LBHD1: variants seen among roughly 807,000 people sequenced by gnomAD.
LBHD1 encodes the protein LBH domain-containing protein 1.
In LBHD1, 28 loss-of-function variants were observed where a neutral mutation model predicts 31.1. That is an observed-to-expected ratio of 0.90 (90% confidence interval 0.67 to 1.24). LBHD1 has a LOEUF of 1.24. Ranked by LOEUF, LBHD1 falls within the 50% of genes most tolerant of loss-of-function variation. The pLI is 0.00. For missense variants in LBHD1, 350 were observed against 323.0 expected (o/e 1.08, Z -0.64); for synonymous variants, 105 against 116.5 (o/e 0.90, Z 0.63).
intron 5 of LBHD1, among the ~76,000 whole-genome samples, chr11:62,663,597 G>A (rs1272635864): frequency 1.3e-5 from 2 of 151,796 alleles, no homozygotes; most frequent in South Asian, 2.1e-4. Context: ...GGGAGGCTGC[G>A]GCAGGAGAAT....
Position 62,667,046 on chromosome 11 carries a change from C to A in LBHD1, c.538+477G>T, listed in dbSNP as rs1219153677. 2.5e-6 allele frequency: 4 copies of A among 1,593,758 alleles called. No individual in the cohort carries two copies. The Middle Eastern group carries it at 5.1e-4, about 202-fold the overall frequency. On this transcript the variant is annotated intron_variant, in intron 4 of 6. Transcript: ENST00000354588. The stretch of plus-strand genomic sequence containing the variant: ...CTTTGCTTACTTGATTCAAGGCTCT[C>A]ATTAAAGACATTTTAGTAGTCCTGA...
chr11:62,672,261 C>T lies in LBHD1; in HGVS notation c.-708G>A, dbSNP rs1271397391. On this transcript the variant is annotated 5_prime_UTR_variant, in exon 1 of 7. Coordinates refer to ENST00000354588, the MANE Select transcript of LBHD1 (RefSeq NM_024099.5). ...GTCCTGTGAGCTGCCGTCGGGTGAG[C>T]ACGTTTCCCCCAAACCCTGGACTGA... 2.0e-5 allele frequency: 17 copies of T among 833,908 alleles called. No homozygotes were observed. The highest frequency in any genetic ancestry group is 3.1e-5 in the Non-Finnish European group (17 of 544,182). 51.7% of individuals were successfully genotyped at this position (833,908 alleles called of 1,614,324 possible). A position where few individuals can be genotyped will look rare whatever the true frequency, so the allele number is the denominator to read the frequency against.
intron 4 of LBHD1, chr11:62,665,714 C>T (rs1944788631): frequency 6.8e-7 from 1 of 1,462,862 alleles, no homozygotes; most frequent in Admixed American, 2.4e-5. Context: ...CTACCATAGT[C>T]TGTGTCCGCG....
intron 3 of LBHD1, chr11:62,669,401 A>C (rs1944898692): frequency 1.0e-6 from 1 of 984,748 alleles, no homozygotes. Context: ...AGTCTCAAAA[A>C]AAAAAAAAAG....
rs745450538 is a variant in LBHD1 at position 62,669,988 on chromosome 11, G to A, written c.44C>T (p.Thr15Ile). ...PGRSKEDGLW[T>I]RNSPGSSQHP... is the part of the protein sequence containing the mutation. ...CTGGGAGGAGCCTGGGCTATTTCTA[G>A]TCCAAAGCCCATCCTCCTTGCTTCT... Residue 15 changes from threonine to isoleucine, a missense_variant, in exon 2 of 7, where the codon ACT (threonine) becomes ATT (isoleucine). Physicochemically the swap from Thr to Ile is moderately conservative, Grantham distance 89. Coordinates refer to ENST00000354588, the MANE Select transcript of LBHD1 (RefSeq NM_024099.5). 1.9e-6 allele frequency: 3 copies of A among 1,613,842 alleles called. No homozygotes were observed. Among genetic ancestry groups the A allele is most frequent in the Admixed American group, 3.3e-5 (2 of 60,012 alleles).
chr11:62,671,408 G>A, intron 1 of LBHD1, 156 bp downstream of exon 1: 1 of 1,260,930 alleles, frequency 7.9e-7, no homozygotes, highest in East Asian at 5.2e-5. Context: ...GGGAAACGTC[G>A]GAAGACAGAA....
At chr11:62,665,749 T>G in intron 4 of LBHD1, 1 of 1,491,734 alleles carries the variant, frequency 6.7e-7, no homozygotes, top group South Asian at 1.3e-5. Flanking sequence ...ACTGCAGAGT[T>G]CGGGGAAGCT....
chr11:62,665,605 G>A, intron 4 of LBHD1: 2 of 1,565,608 alleles, frequency 1.3e-6, no homozygotes, highest in Non-Finnish European at 1.7e-6. Context: ...GATCCAGCTG[G>A]CTCCTCCATC....
intron 4 of LBHD1, chr11:62,665,837 G>C (rs930698957): frequency 6.2e-7 from 1 of 1,603,400 alleles, no homozygotes; most frequent in African/African-American, 1.3e-5. Flanking sequence ...TAGGGTGGAC[G>C]CTTCACATAA....
intron 4 of LBHD1, chr11:62,665,936 C>T (rs774118809): frequency 5.6e-6 from 9 of 1,612,246 alleles, no homozygotes; most frequent in South Asian, 1.1e-5. Flanking sequence ...GGACGTGCCG[C>T]CCCTTTGCGG....
At chr11:62,667,387 G>A (rs1399219584) in intron 4 of LBHD1, 136 bp downstream of exon 4, 1 of 882,056 alleles carries the variant, frequency 1.1e-6, no homozygotes, top group South Asian at 1.6e-5. Flanking sequence ...CCCCTGCGCT[G>A]ACTGACTTGT....
intron 4 of LBHD1, chr11:62,665,750 C>T (rs2134620605): frequency 6.7e-7 from 1 of 1,492,458 alleles, no homozygotes. Flanking sequence ...CTGCAGAGTT[C>T]GGGGAAGCTG....
In LBHD1 at chr11:62,669,384, G is replaced by A. The variant is rs1313508207; in HGVS notation, c.313+257C>T. ...TGCACTCCAGTCTGGGTGACAGAGC[G>A]AGACTCAGTCTCAAAAAAAAAAAAA... On this transcript the variant is annotated intron_variant, in intron 3 of 6. Transcript: ENST00000354588. 2.5e-5 allele frequency: 25 copies of A among 981,308 alleles called. No individual in the cohort carries two copies. In the Admixed American group the frequency reaches 9.4e-4, roughly 37 times the overall value. 60.8% of individuals were successfully genotyped at this position (981,308 alleles called of 1,614,324 possible). A position where few individuals can be genotyped will look rare whatever the true frequency, so the allele number is the denominator to read the frequency against.
chr11:62,669,688 T>A lies in LBHD1; in HGVS notation c.266A>T (p.Glu89Val). ...HEELLLLTDG[E>V]EEDAEAFFQD... ...GAAGAAGGCCTCAGCATCCTCTTCC[T>A]CACCATCAGTGAGCAGCAGCAGCTC... is the stretch of plus-strand genomic sequence containing the variant. The change falls in exon 3 of 7, where the codon GAG (glutamate) becomes GTG (valine). Residue 89 changes from glutamate (E) to valine (V), a missense_variant. Physicochemically the swap from Glu to Val is moderately radical, Grantham distance 121. Coordinates refer to ENST00000354588, the MANE Select transcript of LBHD1 (RefSeq NM_024099.5). 1 of 1,614,196 alleles carries A rather than the reference T, an allele frequency of 6.2e-7. No individual in the cohort carries two copies. Among genetic ancestry groups the A allele is most frequent in the African/African-American group, 1.3e-5 (1 of 75,034 alleles).
In LBHD1 at chr11:62,672,206, G is replaced by T; in HGVS notation, c.-653C>A. On this transcript the variant is annotated 5_prime_UTR_variant, in exon 1 of 7. Transcript: ENST00000354588. ...CTTCGTGGGCCCAGCGGAGAGTCCG[G>T]ACCGAGATACCATGCCAGGACTCTC... The T allele has an allele frequency of 7.6e-7, 1 of 1,321,914 alleles. No individual in the cohort carries two copies. Among genetic ancestry groups the T allele is most frequent in the Non-Finnish European group, 1.0e-6 (1 of 967,910 alleles). The allele number at this position is 1,321,914 out of a possible 1,614,324, so 81.9% of individuals were successfully genotyped here.
chr11:62,665,661 T>C (rs2134619783), intron 4 of LBHD1: 2 of 1,480,360 alleles, frequency 1.4e-6, no homozygotes, highest in East Asian at 2.4e-5. Context: ...GCGGACGCTG[T>C]ATACCCTCCT....
At chr11:62,667,056 A>AT (rs1590850867) in intron 4 of LBHD1, 1 of 1,587,064 alleles carries the variant, frequency 6.3e-7, no homozygotes, top group Non-Finnish European at 8.6e-7. Context: ...CATTAAAGAC[A>AT]TTTTAGTAGT....
At chr11:62,671,275 T>G (rs1278990367) in intron 1 of LBHD1, 1 of 540,250 alleles carries the variant, frequency 1.9e-6, no homozygotes, top group Admixed American at 2.3e-5. Context: ...CTTTGAGTGT[T>G]TGTTCCAGAG....
In LBHD1 at chr11:62,664,931, G is replaced by A. The variant is rs1431823561; in HGVS notation, c.581C>T (p.Ser194Leu). ...EAVQTPAGVE[S>L]GAASEAPGGR... ...ACCCGGTGCCTCAGACGCCGCTCCC[G>A]ATTCAACACCCGCCGGCGTTTGAAC... is the stretch of plus-strand genomic sequence containing the variant. Residue 194 changes from serine to leucine, a missense_variant, in exon 5 of 7, where the codon TCG becomes TTG. Physicochemically the swap from Ser to Leu is moderately radical, Grantham distance 145. Coordinates refer to ENST00000354588, the MANE Select transcript of LBHD1 (RefSeq NM_024099.5). The A allele has an allele frequency of 6.2e-7, 1 of 1,607,626 alleles. No individual in the cohort carries two copies. Among genetic ancestry groups the A allele is most frequent in the Non-Finnish European group, 8.5e-7 (1 of 1,177,422 alleles).
Sources: allele counts gnomAD v4.1 joint callset (sites outside exome capture counted in the v4.1 genomes callset), GRCh38; gene constraint gnomAD v4.1.1; transcripts MANE v1.5; gene names NCBI Gene and HGNC (gene_info 2026-07-23, HGNC 2026-07-21).